The following COX7B2 variants were observed in gnomAD, a reference collection of about 807,000 sequenced individuals.
COX7B2 encodes the protein cytochrome c oxidase subunit 7B2, mitochondrial.
For missense variants in COX7B2, 109 were observed against 95.9 expected, an observed-to-expected ratio of 1.14 and a Z score of -0.57; for synonymous variants, 37 against 32.1, an observed-to-expected ratio of 1.15 and a Z score of -0.51.
chr4:46,857,025 A>T (rs1284592771), intron 1 of COX7B2, among the ~76,000 whole-genome samples: 1 of 152,190 alleles, frequency 6.6e-6, no homozygotes, highest in Non-Finnish European at 1.5e-5. Context: ...GATGTAAAAA[A>T]CTAAAAACTT....
intron 2 of COX7B2, among the ~76,000 whole-genome samples, chr4:46,822,224 A>G (rs538923699): frequency 6.6e-5 from 10 of 152,264 alleles, no homozygotes; most frequent in African/African-American, 2.2e-4. Flanking sequence ...ATTGTTTCCA[A>G]TAGAAAATAT....
In COX7B2 at chr4:46,820,848, T is replaced by TAG. The variant is rs1321586316; in HGVS notation, c.-50+24111_-50+24112insCT. ...AAAAAAAAAAAAATATATATATATATATATAGATAGATAGATATTACAGCA... is the reference window on the plus strand; with the variant it reads ...AAAAAAAAAAAAATATATATATATATAGATATAGATAGATAGATATTACAGCA... On this transcript the variant is annotated intron_variant, in intron 2 of 2. Transcript: ENST00000355591. Among the ~76,000 whole-genome samples the TAG allele has an allele frequency of 2.7e-5, 4 of 148,182 alleles. No individual in the cohort carries two copies. The East Asian group carries it at 5.9e-4, about 22-fold the overall frequency.
chr4:46,799,667 T>G (rs1718546570), intron 2 of COX7B2, among the ~76,000 whole-genome samples: 1 of 151,828 alleles, frequency 6.6e-6, no homozygotes, highest in Non-Finnish European at 1.5e-5. Flanking sequence ...TTTATTCACT[T>G]ATGCAGTTGA....
At chr4:46,744,083 C>A (rs1370941030) in intron 2 of COX7B2, among the ~76,000 whole-genome samples, 1 of 152,042 alleles carries the variant, frequency 6.6e-6, no homozygotes, top group Non-Finnish European at 1.5e-5. Context: ...GTTTCAACAT[C>A]TGAAATTGAC....
chr4:46,796,655 C>T (rs1299939031), intron 2 of COX7B2, among the ~76,000 whole-genome samples: 1 of 51,844 alleles, frequency 1.9e-5, no homozygotes, highest in African/African-American at 1.1e-4. Context: ...ATGTTTATTG[C>T]GGCACTATTC....
At chr4:46,751,176 A>G (rs1240426347) in intron 2 of COX7B2, among the ~76,000 whole-genome samples, 1 of 152,044 alleles carries the variant, frequency 6.6e-6, no homozygotes, top group Non-Finnish European at 1.5e-5. Flanking sequence ...CACATAGTCA[A>G]TTCCAACTCA....
chr4:46,737,796 C>G (rs2109389930), intron 2 of COX7B2, among the ~76,000 whole-genome samples: 1 of 152,204 alleles, frequency 6.6e-6, no homozygotes, highest in East Asian at 1.9e-4. Flanking sequence ...GCCCTGAGGT[C>G]AATACTTGTA....
At chr4:46,790,692 C>T (rs190946539) in intron 2 of COX7B2, among the ~76,000 whole-genome samples, 5 of 152,202 alleles carry the variant, frequency 3.3e-5, no homozygotes, top group East Asian at 3.9e-4. Context: ...AGTATTCCTG[C>T]GGCAAATCTG....
chr4:46,744,333 T>G (rs1317900037), intron 2 of COX7B2, among the ~76,000 whole-genome samples: 1 of 152,068 alleles, frequency 6.6e-6, no homozygotes, highest in African/African-American at 2.4e-5. Flanking sequence ...ATTGCTACAT[T>G]TCTTCCCTGC....
chr4:46,815,893 A>G (rs1032908502), intron 2 of COX7B2, among the ~76,000 whole-genome samples: 1 of 152,194 alleles, frequency 6.6e-6, no homozygotes, highest in East Asian at 1.9e-4. Context: ...AATAATATTT[A>G]TATTTACCTT....
At chr4:46,746,964 G>A (rs1475918886) in intron 2 of COX7B2, among the ~76,000 whole-genome samples, 2 of 152,186 alleles carry the variant, frequency 1.3e-5, no homozygotes, top group African/African-American at 4.8e-5. Flanking sequence ...GGCAGATAAT[G>A]ATAAGGTTTC....
chr4:46,754,800 T>TA (rs1183755296), intron 2 of COX7B2, among the ~76,000 whole-genome samples: 30 of 141,728 alleles, frequency 2.1e-4, no homozygotes, highest in African/African-American at 6.6e-4. Context: ...AAATAATTAA[T>TA]AAAAAATTTC....
intron 1 of COX7B2, among the ~76,000 whole-genome samples, chr4:46,877,435 T>C (rs1718414232): frequency 6.6e-6 from 1 of 152,328 alleles, no homozygotes; most frequent in Non-Finnish European, 1.5e-5. Flanking sequence ...TAGGAGGACA[T>C]TGTGACCGCA....
At chr4:46,866,733 A>G (rs1158395091) in intron 1 of COX7B2, among the ~76,000 whole-genome samples, 3 of 152,142 alleles carry the variant, frequency 2.0e-5, no homozygotes, top group Non-Finnish European at 4.4e-5. Context: ...AAGAGTCCCT[A>G]GACCTTTGGC....
At chr4:46,828,554 A>G (rs1560406619) in intron 2 of COX7B2, among the ~76,000 whole-genome samples, 1 of 152,158 alleles carries the variant, frequency 6.6e-6, no homozygotes, top group Non-Finnish European at 1.5e-5. Flanking sequence ...TTCCACTGGT[A>G]ATACTAGGTG....
rs544511291 is a variant in COX7B2 at position 46,829,449 on chromosome 4, T to C, written c.-50+15511A>G. Among the ~76,000 whole-genome samples the C allele has an allele frequency of 7.2e-5, 11 of 152,304 alleles. No individual in the cohort carries two copies. In the East Asian group the frequency reaches 1.9e-3, roughly 27 times the overall value. Reference sequence around the variant, plus strand: ...ATACAACTCTTGAAAATAAGTTTATTTTAACATGCAATTTTTTTTCCAGGT... The same window carrying C: ...ATACAACTCTTGAAAATAAGTTTATCTTAACATGCAATTTTTTTTCCAGGT... On this transcript the variant is annotated intron_variant, in intron 2 of 2. Transcript: ENST00000355591.
intron 1 of COX7B2, among the ~76,000 whole-genome samples, chr4:46,883,985 A>T (rs1449380352): frequency 6.6e-6 from 1 of 152,180 alleles, no homozygotes; most frequent in Admixed American, 6.5e-5. Context: ...AGTAAAAATC[A>T]GAAGAGCTGA....
intron 2 of COX7B2, among the ~76,000 whole-genome samples, chr4:46,818,636 C>CAA (rs35687430): frequency 3.6e-5 from 4 of 110,824 alleles, no homozygotes; most frequent in African/African-American, 9.7e-5. Flanking sequence ...GACTCTGTCT[C>CAA]AAAAAAAAAA....
chr4:46,808,734 A>G (rs376715970), intron 2 of COX7B2, among the ~76,000 whole-genome samples: 5 of 151,888 alleles, frequency 3.3e-5, no homozygotes, highest in African/African-American at 1.2e-4. Flanking sequence ...TGTTGAGCAT[A>G]TTTATCAAGA....
Sources: allele counts gnomAD v4.1 joint callset (sites outside exome capture counted in the v4.1 genomes callset), GRCh38; gene constraint gnomAD v4.1.1; transcripts MANE v1.5; gene names NCBI Gene and HGNC (gene_info 2026-07-23, HGNC 2026-07-21).